The following CORO2B variants were observed in gnomAD, a reference collection of about 807,000 sequenced individuals.
The protein encoded by CORO2B is coronin 2B, also known as coronin-2B.
CORO2B carries 26 observed loss-of-function variants against 58.8 expected under a neutral mutation model. The ratio of observed to expected loss-of-function variants is 0.44; its 90% CI spans 0.32 to 0.61. The LOEUF (loss-of-function observed/expected upper bound fraction) is 0.61. Ranked by LOEUF, CORO2B falls within the 20% of genes least tolerant of loss-of-function variation. The pLI, the probability that CORO2B is intolerant of heterozygous loss-of-function variation, is 0.04. For synonymous variants in CORO2B, 242 were observed against 253.8 expected (o/e 0.95, Z 0.44); for missense variants, 460 against 645.1 (o/e 0.71, Z 3.11).
Position 68,726,041 on chromosome 15 carries a change from T to C in CORO2B, c.*67T>C, listed in dbSNP as rs1430464978. On this transcript the variant is annotated 3_prime_UTR_variant, in exon 12 of 12. Transcript: ENST00000261861. The stretch of plus-strand genomic sequence containing the variant: ...TTCTACTCATCCCTTAACTTCTCCC[T>C]TACCAGTGACCCCAGAGACAGAGCC... The C allele has an allele frequency of 3.1e-6, 5 of 1,590,024 alleles. No individual in the cohort carries two copies. Among genetic ancestry groups the C allele is most frequent in the Non-Finnish European group, 4.3e-6 (5 of 1,172,538 alleles).
chr15:68,639,406 C>G (rs1389573165), intron 1 of CORO2B, among the ~76,000 whole-genome samples: 1 of 152,208 alleles, frequency 6.6e-6, no homozygotes, highest in African/African-American at 2.4e-5. Flanking sequence ...CATTAATCAG[C>G]TCTGTGGGAC....
chr15:68,544,406 C>T, the CORO2B span, among the ~76,000 whole-genome samples: 2 of 152,188 alleles, frequency 1.3e-5, no homozygotes, highest in African/African-American at 4.8e-5. Context: ...GTCTGAGCGA[C>T]TCACTAAGAT....
intron 1 of CORO2B, among the ~76,000 whole-genome samples, chr15:68,605,421 C>T (rs1900085880): frequency 6.6e-6 from 1 of 152,078 alleles, no homozygotes; most frequent in African/African-American, 2.4e-5. Flanking sequence ...AACAATGAAA[C>T]ATTGGGAACA....
the CORO2B span, among the ~76,000 whole-genome samples, chr15:68,561,086 G>A: frequency 9.2e-5 from 14 of 152,090 alleles, no homozygotes; most frequent in East Asian, 7.7e-4. Context: ...TCCACCCCGC[G>A]TCCCCCAGGC....
At chr15:68,721,750 A>ATTTG (rs1489946486) in intron 11 of CORO2B, among the ~76,000 whole-genome samples, 2 of 143,848 alleles carry the variant, frequency 1.4e-5, no homozygotes, top group East Asian at 3.9e-4. Flanking sequence ...TCTTGTATTT[A>ATTTG]TTTATTTATG....
At chr15:68,552,622 C>G in the CORO2B span, among the ~76,000 whole-genome samples, 4 of 152,168 alleles carry the variant, frequency 2.6e-5, no homozygotes, top group Admixed American at 2.0e-4. Flanking sequence ...TGTCCTCCCC[C>G]ATTGCAGACT....
At chr15:68,567,303 A>T in the CORO2B span, among the ~76,000 whole-genome samples, 1 of 152,204 alleles carries the variant, frequency 6.6e-6, no homozygotes, top group Non-Finnish European at 1.5e-5. Context: ...AAGAGAGTGA[A>T]GTTCAAAGCG....
intron 2 of CORO2B, among the ~76,000 whole-genome samples, chr15:68,658,373 C>T (rs79109566): frequency 0.01 from 1,582 of 152,372 alleles, 9 homozygotes; most frequent in Non-Finnish European, 0.017. Flanking sequence ...GCCTCGTCCC[C>T]GCCTGCCATC....
At chr15:68,540,637 C>T in the CORO2B span, among the ~76,000 whole-genome samples, 3 of 152,240 alleles carry the variant, frequency 2.0e-5, no homozygotes, top group African/African-American at 7.2e-5. Context: ...CATTTTGTCA[C>T]ACTGAGTTAG....
intron 3 of CORO2B, among the ~76,000 whole-genome samples, chr15:68,698,740 C>T (rs889842945): frequency 6.6e-6 from 1 of 152,096 alleles, no homozygotes; most frequent in Admixed American, 6.6e-5. Flanking sequence ...CAGTAAGATA[C>T]CTCCCTTTGG....
intron 1 of CORO2B, among the ~76,000 whole-genome samples, chr15:68,583,565 G>A (rs1306243246): frequency 6.6e-6 from 1 of 152,318 alleles, no homozygotes; most frequent in East Asian, 1.9e-4. Flanking sequence ...GACACCATCT[G>A]CCCTAGATGG....
the CORO2B span, among the ~76,000 whole-genome samples, chr15:68,528,624 A>G: frequency 2.0e-5 from 3 of 147,398 alleles, no homozygotes; most frequent in Non-Finnish European, 4.5e-5. Flanking sequence ...ATGTAGTTTT[A>G]TTTGTATTGG....
At position 68,702,339 on chromosome 15, in the gene CORO2B, G is replaced by A. The variant is rs548722789; in HGVS notation, c.333+7083G>A. On this transcript the variant is annotated intron_variant, in intron 3 of 11. Transcript: ENST00000261861. ...GCACTTATTCTTTCATGCATCCAGC[G>A]CCACAACGACCACTTCATGCATCCT... 5.9e-5 allele frequency among the ~76,000 whole-genome samples: 9 copies of A among 152,036 alleles called. No individual in the cohort carries two copies. The South Asian group carries it at 1.2e-3, about 21-fold the overall frequency.
intron 2 of CORO2B, 30 bp from the exon 3 acceptor site, chr15:68,695,110 C>G: frequency 2.0e-6 from 3 of 1,537,322 alleles, no homozygotes; most frequent in Non-Finnish European, 2.7e-6. Context: ...AACTAATCTC[C>G]TTCTCTCTCT....
intron 1 of CORO2B, among the ~76,000 whole-genome samples, chr15:68,624,042 A>C (rs1900605720): frequency 6.6e-6 from 1 of 152,162 alleles, no homozygotes; most frequent in African/African-American, 2.4e-5. Flanking sequence ...AGACAGACTT[A>C]AAGGACTGGG....
chr15:68,642,035 C>CTTTTTT lies in CORO2B; in HGVS notation c.16-3111_16-3106dup, dbSNP rs33965107. 7.8e-5 allele frequency among the ~76,000 whole-genome samples: 9 copies of CTTTTTT among 115,940 alleles called. 1 individual carries two copies. Among genetic ancestry groups the CTTTTTT allele is most frequent in the Non-Finnish European group, 1.2e-4 (7 of 59,596 alleles). 76.1% of individuals were successfully genotyped at this position (115,940 alleles called of 152,430 possible). A position where few individuals can be genotyped will look rare whatever the true frequency, so the allele number is the denominator to read the frequency against. On this transcript the variant is annotated intron_variant, in intron 1 of 11. Transcript: ENST00000261861. ...TGACTCACCTAACCCGGCCTAGCCT[C>CTTTTTT]TTTTTTTTTTTTTTTTTTTGAGACA...
intron 2 of CORO2B, among the ~76,000 whole-genome samples, chr15:68,651,604 C>T (rs1901644745): frequency 6.6e-6 from 1 of 152,130 alleles, no homozygotes; most frequent in Non-Finnish European, 1.5e-5. Flanking sequence ...CAGTCTTGTC[C>T]CTACGCTGAA....
rs780719800 is a variant in CORO2B, at chr15:68,695,132, C to T, written c.217-8C>T. Reference sequence around the variant, plus strand: ...CTCCTTCTCTCTCTCTCTCTTTCTCCTCTGCAGACAGGCAGGATTGAACCC... The same window carrying T: ...CTCCTTCTCTCTCTCTCTCTTTCTCTTCTGCAGACAGGCAGGATTGAACCC... On this transcript the variant is annotated splice_polypyrimidine_tract_variant and splice_region_variant and intron_variant, in intron 2 of 11. Coordinates refer to ENST00000261861, the MANE Select transcript of CORO2B (RefSeq NM_006091.5). 1.2e-6 allele frequency: 2 copies of T among 1,608,756 alleles called. No individual in the cohort carries two copies. Among genetic ancestry groups the T allele is most frequent in the South Asian group, 2.2e-5 (2 of 90,988 alleles).
chr15:68,575,677 TC>T (rs1899271022), upstream of CORO2B, among the ~76,000 whole-genome samples: 2 of 149,750 alleles, frequency 1.3e-5, no homozygotes, highest in South Asian at 4.2e-4. Flanking sequence ...TTGCTCCTTC[TC>T]AACCGCACTA....
Sources: gnomAD v4.1 joint callset for allele counts (sites outside exome capture counted in the v4.1 genomes callset) on GRCh38, gnomAD v4.1.1 for gene constraint, MANE v1.5 for transcripts, NCBI Gene and HGNC (gene_info 2026-07-23, HGNC 2026-07-21) for gene names.